The following PCOLCE2 variants were observed in gnomAD, a reference collection of about 807,000 sequenced individuals.
PCOLCE2 encodes procollagen C-proteinase enhancer 2.
In PCOLCE2, 42 loss-of-function variants were observed where a neutral mutation model predicts 47.0. The observed-to-expected ratio is 0.89, with a 90% CI of 0.70 to 1.16. The LOEUF (loss-of-function observed/expected upper bound fraction) is 1.16, where lower values mean the gene tolerates loss of function less well. Among genes scored for constraint, PCOLCE2 ranks in the 50% most tolerant of loss-of-function variants. The pLI is 0.00. For missense variants in PCOLCE2, 500 were observed against 526.1 expected, an observed-to-expected ratio of 0.95 and a Z score of 0.49; for synonymous variants, 169 against 191.7, an observed-to-expected ratio of 0.88 and a Z score of 0.98.
At chr3:142,818,944 G>A (rs987404835) in intron 8 of PCOLCE2, among the ~76,000 whole-genome samples, 5 of 152,266 alleles carry the variant, frequency 3.3e-5, no homozygotes, top group Admixed American at 6.5e-5. Context: ...CTCCTTCCTC[G>A]AGGGGCCTCC....
intron 6 of PCOLCE2, among the ~76,000 whole-genome samples, chr3:142,826,527 C>T (rs1234903703): frequency 6.6e-6 from 1 of 152,182 alleles, no homozygotes; most frequent in Non-Finnish European, 1.5e-5. Flanking sequence ...CTTCTGTCTG[C>T]CATTGCCTTC....
chr3:142,865,826 T>C (rs554169828), intron 2 of PCOLCE2, among the ~76,000 whole-genome samples: 1 of 152,320 alleles, frequency 6.6e-6, no homozygotes, highest in Admixed American at 6.5e-5. Flanking sequence ...GAAATGTGGA[T>C]ATAGTCTTTT....
At chr3:142,877,216 T>C (rs1379010541) in intron 2 of PCOLCE2, among the ~76,000 whole-genome samples, 1 of 152,236 alleles carries the variant, frequency 6.6e-6, no homozygotes, top group East Asian at 1.9e-4. Flanking sequence ...GGTTATGGAA[T>C]GCCCTTGGTT....
At chr3:142,827,478 C>G in intron 6 of PCOLCE2, 1 of 1,519,988 alleles carries the variant, frequency 6.6e-7, no homozygotes, top group Non-Finnish European at 9.1e-7. Context: ...GCATAGTTCC[C>G]TGATGCCCAG....
rs753527276 is a variant in PCOLCE2, at chr3:142,843,251, T to G, written c.449-203A>C. On this transcript the variant is annotated intron_variant, in intron 3 of 8. Transcript: ENST00000295992. Reference sequence around the variant, plus strand: ...AATGAATGATCTTTGTTACCTGACATAGCATAGCAACACGAGAGAGGGGAG... The same window carrying G: ...AATGAATGATCTTTGTTACCTGACAGAGCATAGCAACACGAGAGAGGGGAG... The G allele has an allele frequency of 1.1e-5, 7 of 651,748 alleles. No homozygotes were observed. In the East Asian group the frequency reaches 2.2e-4, roughly 20 times the overall value. The allele number at this position is 651,748 out of a possible 1,614,324, so 40.4% of individuals were successfully genotyped here. A position where few individuals can be genotyped will look rare whatever the true frequency, so the allele number is the denominator to read the frequency against.
At chr3:142,868,513 C>G (rs537046860) in intron 2 of PCOLCE2, among the ~76,000 whole-genome samples, 1 of 152,188 alleles carries the variant, frequency 6.6e-6, no homozygotes, top group South Asian at 2.1e-4. Context: ...CTGCTCCACC[C>G]TGACTCATTC....
intron 2 of PCOLCE2, among the ~76,000 whole-genome samples, chr3:142,883,441 T>C (rs987109939): frequency 1.3e-5 from 2 of 151,786 alleles, no homozygotes; most frequent in African/African-American, 2.4e-5. Flanking sequence ...TTTTTTGAAA[T>C]GGAGTCTCGC....
intron 6 of PCOLCE2, among the ~76,000 whole-genome samples, chr3:142,824,616 C>A (rs935736951): frequency 6.8e-6 from 1 of 147,284 alleles, no homozygotes; most frequent in Non-Finnish European, 1.5e-5. Flanking sequence ...GCCCCACCAA[C>A]TCCTCTGTTA....
At chr3:142,860,237 C>G (rs757542838) in intron 2 of PCOLCE2, among the ~76,000 whole-genome samples, 19 of 152,122 alleles carry the variant, frequency 1.2e-4, no homozygotes, top group Non-Finnish European at 2.6e-4. Context: ...TATGCTTATG[C>G]TGCTACTTCT....
At chr3:142,888,243 G>A (rs1164035120) in intron 1 of PCOLCE2, among the ~76,000 whole-genome samples, 3 of 152,220 alleles carry the variant, frequency 2.0e-5, no homozygotes, top group African/African-American at 4.8e-5. Flanking sequence ...GCCATTGGCA[G>A]AGCTTCCCAT....
chr3:142,885,053 C>T (rs966063225), intron 2 of PCOLCE2, among the ~76,000 whole-genome samples: 1 of 152,190 alleles, frequency 6.6e-6, no homozygotes, highest in African/African-American at 2.4e-5. Context: ...TGTAAGGACA[C>T]ATCTAAATTT....
At chr3:142,869,798 A>C (rs1323978966) in intron 2 of PCOLCE2, among the ~76,000 whole-genome samples, 2 of 152,172 alleles carry the variant, frequency 1.3e-5, no homozygotes, top group Non-Finnish European at 2.9e-5. Flanking sequence ...ACCAATGTAC[A>C]CCTTACATGT....
chr3:142,821,484 T>C (rs1364576175), intron 7 of PCOLCE2, among the ~76,000 whole-genome samples: 1 of 152,106 alleles, frequency 6.6e-6, no homozygotes, highest in East Asian at 1.9e-4. Context: ...TTTGTGTCGG[T>C]GTGGGTGTGT....
At chr3:142,864,301 G>T (rs907691386) in intron 2 of PCOLCE2, 1 of 152,150 alleles carries the variant, frequency 6.6e-6, no homozygotes, top group Non-Finnish European at 1.5e-5. Flanking sequence ...TTATGCTGTG[G>T]TTTTTCAATT....
intron 8 of PCOLCE2, among the ~76,000 whole-genome samples, chr3:142,820,193 G>T (rs1936997526): frequency 6.6e-6 from 1 of 151,214 alleles, no homozygotes; most frequent in East Asian, 1.9e-4. Flanking sequence ...CTCCCACCTC[G>T]GCCTCCCAAA....
chr3:142,839,003 G>C, intron 4 of PCOLCE2, 97 bp from the exon 5 acceptor site: 1 of 922,864 alleles, frequency 1.1e-6, no homozygotes. Flanking sequence ...AGGATACTAC[G>C]ATTTTCCTTT....
chr3:142,818,256 G>A lies in PCOLCE2; in HGVS notation c.*79C>T, dbSNP rs926616470. 63 of 1,302,090 alleles carry A rather than the reference G, an allele frequency of 4.8e-5. 1 individual carries two copies. In the South Asian group the frequency reaches 7.9e-4, roughly 16 times the overall value. 80.7% of individuals were successfully genotyped at this position (1,302,090 alleles called of 1,614,324 possible). A position where few individuals can be genotyped will look rare whatever the true frequency, so the allele number is the denominator to read the frequency against. On this transcript the variant is annotated 3_prime_UTR_variant, in exon 9 of 9. Transcript: ENST00000295992. The stretch of plus-strand genomic sequence containing the variant: ...TCTTTCAGAATATGTAATTTTATAA[G>A]TATTTTTTTTTCTACTGAGAGAACA...
intron 2 of PCOLCE2, among the ~76,000 whole-genome samples, chr3:142,866,854 C>T (rs80313541): frequency 0.069 from 10,553 of 152,252 alleles, 406 homozygotes; most frequent in African/African-American, 0.1. Context: ...CAAGCATTGA[C>T]AAGCAAGCAG....
In PCOLCE2 at chr3:142,889,025, C is replaced by CCGCGCGCTCCCTCTCA. The variant is rs1423335842; in HGVS notation, c.-145_-130dup. On this transcript the variant is annotated 5_prime_UTR_variant, in exon 1 of 9. Transcript: ENST00000295992. ...CTGGCTCACACCGGCGCTCGGCTGC[C>CCGCGCGCTCCCTCTCA]CGCGCGCTCCCTCTCACGCGCGCAC... 2 of 286,544 alleles carry CCGCGCGCTCCCTCTCA rather than the reference C, an allele frequency of 7.0e-6. No individual in the cohort carries two copies. The highest frequency in any genetic ancestry group is 1.3e-5 in the Non-Finnish European group (2 of 151,846). The allele number at this position is 286,544 out of a possible 1,614,324, so 17.8% of individuals were successfully genotyped here.
Sources: allele counts gnomAD v4.1 joint callset (sites outside exome capture counted in the v4.1 genomes callset), GRCh38; gene constraint gnomAD v4.1.1; transcripts MANE v1.5; gene names NCBI Gene and HGNC (gene_info 2026-07-23, HGNC 2026-07-21).